The following NMNAT2 variants were observed in gnomAD, a reference collection of about 807,000 sequenced individuals.
The protein encoded by NMNAT2 is nicotinamide nucleotide adenylyltransferase 2.
A neutral mutation model predicts 41.6 loss-of-function variants in NMNAT2; 11 were observed. The ratio of observed to expected loss-of-function variants is 0.26; its 90% CI spans 0.17 to 0.44. NMNAT2 has a LOEUF of 0.44. Among genes scored for constraint, NMNAT2 ranks in the 20% least tolerant of loss-of-function variants. The probability of loss-of-function intolerance (pLI) is 1.00; values close to 1 mark genes in which losing one functional copy is unlikely to be tolerated. For synonymous variants in NMNAT2, 148 were observed against 151.2 expected (o/e 0.98, Z 0.16); for missense variants, 288 against 407.7 (o/e 0.71, Z 2.53).
intron 1 of NMNAT2, among the ~76,000 whole-genome samples, chr1:183,352,101 A>G (rs143606545): frequency 6.6e-6 from 1 of 152,312 alleles, no homozygotes; most frequent in East Asian, 1.9e-4. Flanking sequence ...GCATTCTGGT[A>G]TAACCCAAAA....
intron 1 of NMNAT2, among the ~76,000 whole-genome samples, chr1:183,360,517 G>T (rs534792731): frequency 3.0e-4 from 46 of 152,298 alleles, no homozygotes; most frequent in African/African-American, 1.1e-3. Flanking sequence ...CCGAGAGGAA[G>T]ACCCCACTTG....
At chr1:183,356,324 C>T (rs996100835) in intron 1 of NMNAT2, among the ~76,000 whole-genome samples, 1 of 152,200 alleles carries the variant, frequency 6.6e-6, no homozygotes, top group Non-Finnish European at 1.5e-5. Flanking sequence ...AAGTCATAGA[C>T]AGCCATAGAC....
intron 1 of NMNAT2, among the ~76,000 whole-genome samples, chr1:183,360,126 C>T (rs12146097): frequency 0.092 from 14,056 of 152,166 alleles, 761 homozygotes; most frequent in Non-Finnish European, 0.13. Flanking sequence ...TATCATTTCA[C>T]TTTCCATTAT....
chr1:183,260,951 G>A, intron 10 of NMNAT2, 51 bp downstream of exon 10: 3 of 1,401,454 alleles, frequency 2.1e-6, no homozygotes, highest in Non-Finnish European at 3.0e-6. Flanking sequence ...TTTATGTGGA[G>A]ACTTATAAGA....
rs185866802 is a variant in NMNAT2 at position 183,257,060 on chromosome 1, G to A, written c.821+3942C>T. ...AGCCACTGTGCCTGGCCTCTTTGGTGTCTTTATCTGGCTTAGGTATCAAAG... is the reference window on the plus strand; with the variant it reads ...AGCCACTGTGCCTGGCCTCTTTGGTATCTTTATCTGGCTTAGGTATCAAAG... On this transcript the variant is annotated intron_variant, in intron 10 of 10. Transcript: ENST00000287713. Among the ~76,000 whole-genome samples, 355 of 152,152 alleles carry A rather than the reference G, an allele frequency of 2.3e-3. 3 individuals are homozygous for A. The highest frequency in any genetic ancestry group is 0.017 in the Middle Eastern group (5 of 294).
intron 1 of NMNAT2, among the ~76,000 whole-genome samples, chr1:183,323,833 G>C (rs774226640): frequency 3.3e-5 from 5 of 152,178 alleles, no homozygotes; most frequent in Non-Finnish European, 7.3e-5. Context: ...GAATATCTTA[G>C]GATTTGGCCT....
chr1:183,281,879 C>A (rs568537657), intron 7 of NMNAT2, among the ~76,000 whole-genome samples: 1 of 152,266 alleles, frequency 6.6e-6, no homozygotes, highest in Admixed American at 6.5e-5. Flanking sequence ...CCTCACACAG[C>A]GCAGGAGTCG....
chr1:183,321,782 A>G (rs1662360571), intron 1 of NMNAT2, among the ~76,000 whole-genome samples: 1 of 152,048 alleles, frequency 6.6e-6, no homozygotes, highest in Admixed American at 6.6e-5. Context: ...ATGTTACTTA[A>G]TGTTACTTGG....
intron 8 of NMNAT2, among the ~76,000 whole-genome samples, chr1:183,269,432 C>G (rs554790055): frequency 6.6e-6 from 1 of 152,360 alleles, no homozygotes; most frequent in Non-Finnish European, 1.5e-5. Flanking sequence ...CCCTGGCAGG[C>G]TTAACTGGCA....
intron 1 of NMNAT2, among the ~76,000 whole-genome samples, chr1:183,356,732 C>G (rs966068084): frequency 1.3e-5 from 2 of 152,176 alleles, no homozygotes; most frequent in African/African-American, 4.8e-5. Context: ...AAATGTTCAC[C>G]TTTGGAAGGA....
At chr1:183,408,546 T>C (rs1649026352) in intron 1 of NMNAT2, among the ~76,000 whole-genome samples, 1 of 152,180 alleles carries the variant, frequency 6.6e-6, no homozygotes, top group South Asian at 2.1e-4. Context: ...CACCTTATTT[T>C]ACAAATGAGA....
At chr1:183,252,879 G>C in intron 10 of NMNAT2, 136 bp from the exon 11 acceptor site, 1 of 623,030 alleles carries the variant, frequency 1.6e-6, no homozygotes, top group South Asian at 1.9e-5. Context: ...ATTAGGAAAG[G>C]CCCTCTTGCC....
intron 1 of NMNAT2, among the ~76,000 whole-genome samples, chr1:183,301,029 C>T (rs1291799778): frequency 1.3e-5 from 2 of 152,328 alleles, no homozygotes; most frequent in Admixed American, 1.3e-4. Context: ...TGTTTAAGTG[C>T]TGAGTCAGAT....
chr1:183,368,657 CAGCACCTTCTA>C (rs1336273558), intron 1 of NMNAT2, among the ~76,000 whole-genome samples: 1 of 152,190 alleles, frequency 6.6e-6, no homozygotes, highest in Non-Finnish European at 1.5e-5. Context: ...CACTTTGCTT[CAGCACCTTCTA>C]AGCACCTTCT....
intron 1 of NMNAT2, among the ~76,000 whole-genome samples, chr1:183,354,255 C>T (rs891294283): frequency 4.6e-5 from 7 of 151,430 alleles, no homozygotes; most frequent in Non-Finnish European, 8.8e-5. Flanking sequence ...AGATGAGAGG[C>T]GAAAGAGATG....
intron 10 of NMNAT2, among the ~76,000 whole-genome samples, chr1:183,253,713 T>C (rs888663953): frequency 1.3e-5 from 2 of 152,212 alleles, no homozygotes; most frequent in Non-Finnish European, 2.9e-5. Context: ...CTTTCAGCCC[T>C]CCACACTTGA....
chr1:183,406,884 T>C (rs1373704788), intron 1 of NMNAT2, among the ~76,000 whole-genome samples: 1 of 144,274 alleles, frequency 6.9e-6, no homozygotes, highest in Non-Finnish European at 1.5e-5. Context: ...AGTGGCGAGA[T>C]CTCAGCTCAC....
At chr1:183,262,636 A>G (rs1008015055) in intron 8 of NMNAT2, among the ~76,000 whole-genome samples, 1 of 152,238 alleles carries the variant, frequency 6.6e-6, no homozygotes, top group African/African-American at 2.4e-5. Context: ...ATCTCTGATT[A>G]TTTTCTTAGG....
intron 7 of NMNAT2, among the ~76,000 whole-genome samples, chr1:183,280,317 C>T (rs890291339): frequency 1.3e-5 from 2 of 152,206 alleles, no homozygotes; most frequent in African/African-American, 4.8e-5. Context: ...CTTGTCCAAC[C>T]CAAGGCACAT....
Sources: gnomAD v4.1 joint callset for allele counts (sites outside exome capture counted in the v4.1 genomes callset) on GRCh38, gnomAD v4.1.1 for gene constraint, MANE v1.5 for transcripts, NCBI Gene and HGNC (gene_info 2026-07-23, HGNC 2026-07-21) for gene names.